CSGALNACT1: variants seen among roughly 807,000 people sequenced by gnomAD.
The protein encoded by CSGALNACT1 is chondroitin sulfate N-acetylgalactosaminyltransferase 1, also known as beta4GalNAcT-1.
In CSGALNACT1, 52 loss-of-function variants were observed where a neutral mutation model predicts 51.0. That is an observed-to-expected ratio of 1.02 (90% confidence interval 0.82 to 1.29). The LOEUF is 1.29. Ranked by LOEUF, CSGALNACT1 falls within the 50% of genes most tolerant of loss-of-function variation. CSGALNACT1 has a pLI of 0.00. For synonymous variants in CSGALNACT1, 341 were observed against 254.4 expected (o/e 1.34, Z -3.24); for missense variants, 935 against 679.2 (o/e 1.38, Z -4.19).
intron 3 of CSGALNACT1, among the ~76,000 whole-genome samples, chr8:19,549,180 C>G (rs1206464097): frequency 6.6e-6 from 1 of 151,696 alleles, no homozygotes; most frequent in Non-Finnish European, 1.5e-5. Context: ...ATTTAGTTCT[C>G]TTACTTTTTC....
intron 1 of CSGALNACT1, among the ~76,000 whole-genome samples, chr8:19,626,885 T>G (rs371962801): frequency 4.7e-4 from 71 of 152,228 alleles, no homozygotes; most frequent in African/African-American, 1.6e-3. Context: ...ATGGCAAGAA[T>G]AAAAAATAGT....
intron 3 of CSGALNACT1, among the ~76,000 whole-genome samples, chr8:19,537,537 AC>A (rs752745473): frequency 6.6e-6 from 1 of 151,906 alleles, no homozygotes; most frequent in Non-Finnish European, 1.5e-5. Flanking sequence ...TGTTCCCTTT[AC>A]CCCTCACTCA....
chr8:19,494,185 T>C (rs2075004713), intron 4 of CSGALNACT1, among the ~76,000 whole-genome samples: 1 of 152,176 alleles, frequency 6.6e-6, no homozygotes, highest in South Asian at 2.1e-4. Context: ...ACCTATTATG[T>C]TCCTCCTTGA....
chr8:19,477,898 A>C (rs2070166052), intron 4 of CSGALNACT1, among the ~76,000 whole-genome samples: 1 of 152,246 alleles, frequency 6.6e-6, no homozygotes, highest in African/African-American at 2.4e-5. Flanking sequence ...CCTCCCATAC[A>C]CGTCCAAACT....
At chr8:19,480,136 C>G (rs1486873461) in intron 4 of CSGALNACT1, among the ~76,000 whole-genome samples, 1 of 152,118 alleles carries the variant, frequency 6.6e-6, no homozygotes, top group Non-Finnish European at 1.5e-5. Flanking sequence ...ATTTGAAGTT[C>G]AGGGATACAT....
intron 3 of CSGALNACT1, among the ~76,000 whole-genome samples, chr8:19,588,839 C>A (rs546727595): frequency 1.3e-5 from 2 of 152,182 alleles, no homozygotes; most frequent in African/African-American, 4.8e-5. Context: ...ACTACCTTAG[C>A]TCCTCTTTTT....
intron 3 of CSGALNACT1, among the ~76,000 whole-genome samples, chr8:19,550,532 C>T (rs1209397027): frequency 6.6e-6 from 1 of 151,984 alleles, no homozygotes; most frequent in Non-Finnish European, 1.5e-5. Flanking sequence ...TTTTTTTCTT[C>T]CCCGCTTTTC....
chr8:19,688,446 C>T (rs73216639), intron 1 of CSGALNACT1, among the ~76,000 whole-genome samples: 3,044 of 152,222 alleles, frequency 0.02, 50 homozygotes, highest in South Asian at 0.046. Context: ...TGGGCAATTG[C>T]TAAGTGACAT....
chr8:19,689,040 G>A (rs1228319601), intron 1 of CSGALNACT1: 2 of 152,234 alleles, frequency 1.3e-5, no homozygotes, highest in Non-Finnish European at 2.9e-5. Flanking sequence ...AAATGTTAAT[G>A]AGAGGCTTCT....
intron 1 of CSGALNACT1, among the ~76,000 whole-genome samples, chr8:19,634,195 G>A (rs749744309): frequency 3.3e-5 from 5 of 152,168 alleles, no homozygotes; most frequent in African/African-American, 4.8e-5. Context: ...CACATAAAAC[G>A]TCTGTGGCTC....
intron 4 of CSGALNACT1, among the ~76,000 whole-genome samples, chr8:19,498,597 C>A (rs2075878266): frequency 6.6e-6 from 1 of 152,266 alleles, no homozygotes; most frequent in South Asian, 2.1e-4. Context: ...GTCTTTCCAT[C>A]TCCCCTCCTA....
At chr8:19,586,003 A>G (rs533281289) in intron 3 of CSGALNACT1, among the ~76,000 whole-genome samples, 3 of 152,282 alleles carry the variant, frequency 2.0e-5, no homozygotes, top group South Asian at 4.1e-4. Context: ...GAGTCCCCAT[A>G]TCACCTCAGT....
intron 1 of CSGALNACT1, chr8:19,678,711 A>C (rs909346263): frequency 6.6e-6 from 1 of 152,194 alleles, no homozygotes; most frequent in Non-Finnish European, 1.5e-5. Flanking sequence ...TACAAAGCAG[A>C]AATTCCATAC....
intron 1 of CSGALNACT1, among the ~76,000 whole-genome samples, chr8:19,725,783 G>A (rs1223962581): frequency 6.6e-6 from 1 of 152,014 alleles, no homozygotes; most frequent in African/African-American, 2.4e-5. Context: ...AAATTGAAAG[G>A]AAGATACACA....
intron 5 of CSGALNACT1, among the ~76,000 whole-genome samples, chr8:19,449,079 G>C (rs1015710053): frequency 2.0e-5 from 3 of 152,118 alleles, no homozygotes; most frequent in African/African-American, 4.8e-5. Flanking sequence ...GTTAAGAAAT[G>C]AGTGAATTTT....
chr8:19,748,262 C>G (rs2064806092), intron 1 of CSGALNACT1, among the ~76,000 whole-genome samples: 2 of 152,166 alleles, frequency 1.3e-5, no homozygotes, highest in Admixed American at 6.5e-5. Flanking sequence ...CCTTTAACAG[C>G]AAGTTCTAGT....
chr8:19,515,212 CTCTA>C (rs140542830), intron 3 of CSGALNACT1, among the ~76,000 whole-genome samples: 23,454 of 152,036 alleles, frequency 0.15, 2,155 homozygotes, highest in Non-Finnish European at 0.21. Context: ...ACCCCACTAT[CTCTA>C]TCTCAGGTCC....
chr8:19,746,085 A>T (rs578068003), intron 1 of CSGALNACT1, among the ~76,000 whole-genome samples: 10 of 152,252 alleles, frequency 6.6e-5, no homozygotes, highest in African/African-American at 2.4e-4. Context: ...ACACAAATGG[A>T]AGTTTCTTAA....
At chr8:19,462,305 G>A (rs549855067) in intron 4 of CSGALNACT1, among the ~76,000 whole-genome samples, 8 of 152,196 alleles carry the variant, frequency 5.3e-5, no homozygotes, top group African/African-American at 1.9e-4. Flanking sequence ...GCAGCTGACA[G>A]TTTAACGTAC....
Sources: allele counts gnomAD v4.1 joint callset (sites outside exome capture counted in the v4.1 genomes callset), GRCh38; gene constraint gnomAD v4.1.1; transcripts MANE v1.5; gene names NCBI Gene and HGNC (gene_info 2026-07-23, HGNC 2026-07-21).